Variants in AGAP2 observed in about 807,000 individuals in gnomAD.
AGAP2 encodes ArfGAP with GTPase domain, ankyrin repeat and PH domain 2.
AGAP2 carries 32 observed loss-of-function variants against 110.9 expected under a neutral mutation model. The observed-to-expected ratio is 0.29, with a 90% CI of 0.22 to 0.39. The LOEUF is 0.39. Ranked by LOEUF, AGAP2 falls within the 10% of genes least tolerant of loss-of-function variation. The pLI is 1.00. For missense variants in AGAP2, 1,285 were observed against 1,638.5 expected, an observed-to-expected ratio of 0.78 and a Z score of 3.72; for synonymous variants, 702 against 713.0, an observed-to-expected ratio of 0.98 and a Z score of 0.25.
chr12:57,724,103 G>A (rs1426370321), downstream of AGAP2: 1 of 152,512 alleles, frequency 6.6e-6, no homozygotes. Flanking sequence ...CTGCACTGTT[G>A]AATCCACCTT....
intron 1 of AGAP2, among the ~76,000 whole-genome samples, chr12:57,736,107 A>G (rs1954976684): frequency 6.6e-6 from 1 of 152,150 alleles, no homozygotes; most frequent in South Asian, 2.1e-4. Context: ...AGCCAGGTCC[A>G]GCCCCCGCGC....
intron 5 of AGAP2, among the ~76,000 whole-genome samples, chr12:57,733,439 G>C (rs1236871869): frequency 6.6e-6 from 1 of 152,148 alleles, no homozygotes. Context: ...GGTGGAGATA[G>C]GCACCAGCAG....
rs61756294 is a variant in AGAP2 at position 57,731,449 on chromosome 12, C to T, written c.2062G>A (p.Gly688Ser). The T allele has an allele frequency of 6.2e-7, 1 of 1,614,076 alleles. No individual in the cohort carries two copies. Among genetic ancestry groups the T allele is most frequent in the Non-Finnish European group, 8.5e-7 (1 of 1,180,016 alleles). ...TTCCATTCTTTGTTCAAGGAATTGC[C>T]ACTTCGTTTTAGTAGGAAGCTCTGG... ...IKQSFLLKRS[G>S]NSLNKEWKKK... The change falls in exon 10 of 19, where the codon GGC becomes AGC. Residue 688 changes from glycine to serine, a missense_variant. Around this residue, in one of 7 missense-constraint regions of AGAP2, gnomAD observed 24 missense variants for 69.5 expected, o/e 0.35. Transcript: ENST00000547588.
Position 57,729,723 on chromosome 12 carries a change from G to C in AGAP2, c.2473C>G (p.Pro825Ala), listed in dbSNP as rs1395710677. 1 of 1,613,706 alleles carries C rather than the reference G, an allele frequency of 6.2e-7. No individual in the cohort carries two copies. The highest frequency in any genetic ancestry group is 1.3e-5 in the African/African-American group (1 of 74,874). ...GDLSPLSREP[P>A]PSPMVKKQRR... ...TGCTTCTTCACCATGGGAGAAGGAG[G>C]GGGTTCCCGACTCAGGGGGCTCAGG... Residue 825 changes from proline (P) to alanine (A), a missense_variant, in exon 13 of 19, where the codon CCT (proline) becomes GCT (alanine). Physicochemically the swap from Pro to Ala is conservative, Grantham distance 27. Around this residue, in one of 7 missense-constraint regions of AGAP2, gnomAD observed 135 missense variants for 182.0 expected, o/e 0.74. Transcript: ENST00000547588.
Position 57,734,342 on chromosome 12 carries a change from C to T in AGAP2, c.1378G>A (p.Glu460Lys), listed in dbSNP as rs1257113010. 2 of 1,614,222 alleles carry T rather than the reference C, an allele frequency of 1.2e-6. No homozygotes were observed. Among genetic ancestry groups the T allele is most frequent in the South Asian group, 2.2e-5 (2 of 91,084 alleles). ...GQTHLVLIREEAGAPDAKFSG... is the reference protein window; with the variant it reads ...GQTHLVLIREKAGAPDAKFSG... ...ACCTTGGCATCAGGTGCCCCAGCTTCCTCTCGGATTAGCACCAGATGTGTC... is the reference window on the plus strand; with the variant it reads ...ACCTTGGCATCAGGTGCCCCAGCTTTCTCTCGGATTAGCACCAGATGTGTC... The change falls in exon 4 of 19, where the codon GAA (glutamate) becomes AAA (lysine). Residue 460 changes from glutamate to lysine, a missense_variant. Glu to Lys is a moderately conservative substitution (Grantham distance 56). Transcript: ENST00000547588.
At position 57,737,788 on chromosome 12, in the gene AGAP2, C is replaced by T. The variant is rs1019844704; in HGVS notation, c.459G>A (p.Pro153=). The T allele has an allele frequency of 1.0e-5, 16 of 1,529,310 alleles. No homozygotes were observed. In the African/African-American group the frequency reaches 1.9e-4, roughly 18 times the overall value. 94.7% of individuals were successfully genotyped at this position (1,529,310 alleles called of 1,614,324 possible). ...CGCCGCCCGCCCGGCCTTCGGGCTC[C>T]GGGCCGCCCCAGCTCGGGCTGCTGA... ...PLLSSPSWGG[P]EPEGRAGGGI... Residue 153 remains proline (P), a synonymous_variant, in exon 1 of 19, where the codon CCG becomes CCA. Coordinates refer to ENST00000547588, the MANE Select transcript of AGAP2 (RefSeq NM_001122772.3). This position sits in a 1 kb window ranked among gnomAD's most constrained non-coding sequence, Gnocchi z 5.9.
rs1274744246 is a variant in AGAP2, at chr12:57,725,913, T to C, written c.*639A>G. On this transcript the variant is annotated 3_prime_UTR_variant, in exon 19 of 19. Coordinates refer to ENST00000547588, the MANE Select transcript of AGAP2 (RefSeq NM_001122772.3). ...CCCCGGACTCTTTAGCTTCCACCCA[T>C]GGGTAGGTGTAGGGGACGTCCTGGT... The C allele has an allele frequency of 1.3e-5, 2 of 151,570 alleles. No homozygotes were observed. Among genetic ancestry groups the C allele is most frequent in the Non-Finnish European group, 2.9e-5 (2 of 67,842 alleles). The allele number at this position is 151,570 out of a possible 1,614,324, so 9.4% of individuals were successfully genotyped here.
rs574746946 is a variant in AGAP2, at chr12:57,737,158, C to T, written c.1089G>A (p.Gly363=). 1.1e-5 allele frequency: 18 copies of T among 1,573,696 alleles called. No homozygotes were observed. The South Asian group carries it at 1.8e-4, about 16-fold the overall frequency. The change falls in exon 1 of 19, where the codon GGG becomes GGA. Residue 363 remains glycine (G), a synonymous_variant. Transcript: ENST00000547588. The surrounding 1 kb of genome is among the most constrained non-coding windows in gnomAD (Gnocchi z 5.9). The part of the protein sequence containing the change: ...TKSTGGPPGS[G]PLPGPPSLSS... Reference sequence around the variant, plus strand: ...ACAGGCTGGGGGGTCCGGGAAGGGGCCCGGAGCCAGGAGGCCCTCCTGTGC... The same window carrying T: ...ACAGGCTGGGGGGTCCGGGAAGGGGTCCGGAGCCAGGAGGCCCTCCTGTGC...
Position 57,731,830 on chromosome 12 carries a change from C to T in AGAP2, c.1932G>A (p.Lys644=). 1.3e-6 allele frequency: 2 copies of T among 1,586,796 alleles called. No individual in the cohort carries two copies. Among genetic ancestry groups the T allele is most frequent in the Non-Finnish European group, 1.7e-6 (2 of 1,166,888 alleles). Reference sequence around the variant, plus strand: ...ATACCGCAAAAAGGCTGGTCCTGCGCTTGGCTGCCCGGTGCAGGGACCCTG... The same window carrying T: ...ATACCGCAAAAAGGCTGGTCCTGCGTTTGGCTGCCCGGTGCAGGGACCCTG... ...STPGSLHRAA[K]RRTSLFANRR... Residue 644 remains lysine (K), a synonymous_variant, in exon 8 of 19, where the codon AAG becomes AAA. Transcript: ENST00000547588.
chr12:57,730,450 T>A lies in AGAP2; in HGVS notation c.2428+45A>T, dbSNP rs557399060. ...CCATATTCATTTCCCACACTCATCCTATTTGGGTGTGGAAGACAGCAGATG... is the reference window on the plus strand; with the variant it reads ...CCATATTCATTTCCCACACTCATCCAATTTGGGTGTGGAAGACAGCAGATG... On this transcript the variant is annotated intron_variant, in intron 12 of 18. Coordinates refer to ENST00000547588, the MANE Select transcript of AGAP2 (RefSeq NM_001122772.3). 9 of 1,609,142 alleles carry A rather than the reference T, an allele frequency of 5.6e-6. No individual in the cohort carries two copies. The East Asian group carries it at 1.8e-4, about 32-fold the overall frequency.
intron 13 of AGAP2, among the ~76,000 whole-genome samples, chr12:57,728,720 C>T (rs766555273): frequency 2.0e-5 from 3 of 151,598 alleles, no homozygotes; most frequent in Non-Finnish European, 2.9e-5. Context: ...TGAGTGAACA[C>T]GGGGGAAGGG....
chr12:57,735,459 G>C lies in AGAP2; in HGVS notation c.1169-32C>G, dbSNP rs115614572. On this transcript the variant is annotated intron_variant, in intron 1 of 18. Coordinates refer to ENST00000547588, the MANE Select transcript of AGAP2 (RefSeq NM_001122772.3). ...CGGGAGAAGGGCAGTAAGAGGGGAG[G>C]CTCCTGGCTCAGAAGGACCCCCAAC... 1.2e-3 allele frequency: 1,910 copies of C among 1,606,318 alleles called. 30 individuals carry two copies. The African/African-American group carries it at 0.022, about 19-fold the overall frequency.
At chr12:57,733,942 C>T in intron 5 of AGAP2, 84 bp downstream of exon 5, 1 of 1,470,554 alleles carries the variant, frequency 6.8e-7, no homozygotes, top group South Asian at 1.4e-5. Flanking sequence ...CACACCTTAC[C>T]AAGTTCTCAC....
chr12:57,738,230 C>T lies in AGAP2; in HGVS notation c.17G>A (p.Gly6Asp), dbSNP rs776066568. 5.3e-6 allele frequency: 8 copies of T among 1,517,518 alleles called. 1 individual carries two copies. The South Asian group carries it at 9.6e-5, about 18-fold the overall frequency. 94.0% of individuals were successfully genotyped at this position (1,517,518 alleles called of 1,614,324 possible). A position where few individuals can be genotyped will look rare whatever the true frequency, so the allele number is the denominator to read the frequency against. ...GGTCGTTGTCCGGCGCTGAAGCGCG[C>T]CCGCGCCCCGGCTCATGGGGCCCGG... MSRGA[G>D]ALQRRTTTYL... The change falls in exon 1 of 19, where the codon GGC becomes GAC. Residue 6 changes from glycine to aspartate, a missense_variant. Coordinates refer to ENST00000547588, the MANE Select transcript of AGAP2 (RefSeq NM_001122772.3). This position sits in a 1 kb window ranked among gnomAD's most constrained non-coding sequence, Gnocchi z 6.7.
downstream of AGAP2, chr12:57,724,649 G>A (rs915120262): frequency 2.0e-5 from 3 of 152,218 alleles, no homozygotes; most frequent in Non-Finnish European, 2.9e-5. Flanking sequence ...GACGAGGCCA[G>A]GGGAGGAACC....
Position 57,737,353 on chromosome 12 carries a change from A to C in AGAP2, c.894T>G (p.Thr298=). 1 of 1,613,564 alleles carries C rather than the reference A, an allele frequency of 6.2e-7. No homozygotes were observed. The highest frequency in any genetic ancestry group is 8.5e-7 in the Non-Finnish European group (1 of 1,179,758). The part of the protein sequence containing the change: ...GSPPPLTLPP[T]PSPATAVTAA... Reference sequence around the variant, plus strand: ...CGGTGACAGCAGTGGCTGGACTCGGAGTTGGTGGGAGGGTTAGCGGAGGAG... The same window carrying C: ...CGGTGACAGCAGTGGCTGGACTCGGCGTTGGTGGGAGGGTTAGCGGAGGAG... Residue 298 remains threonine (T), a synonymous_variant, in exon 1 of 19, where the codon ACT becomes ACG. Transcript: ENST00000547588. This position sits in a 1 kb window ranked among gnomAD's most constrained non-coding sequence, Gnocchi z 5.9.
At chr12:57,740,306 C>T (rs1216761367), upstream of AGAP2, among the ~76,000 whole-genome samples, 1 of 152,108 alleles carries the variant, frequency 6.6e-6, no homozygotes, top group Non-Finnish European at 1.5e-5. Flanking sequence ...TGGGGCTCAG[C>T]AGTTTCTCCC....
chr12:57,726,473 G>A lies in AGAP2; in HGVS notation c.*79C>T. On this transcript the variant is annotated 3_prime_UTR_variant, in exon 19 of 19. Transcript: ENST00000547588. This position sits in a 1 kb window ranked among gnomAD's most constrained non-coding sequence, Gnocchi z 5.7. ...GGGGTGCGGATCGGAGAGGTGAGTG[G>A]GTGCGTCTGTCCAGCGGTCCGCCCG... The A allele has an allele frequency of 8.8e-7, 1 of 1,132,904 alleles. No homozygotes were observed. Among genetic ancestry groups the A allele is most frequent in the Middle Eastern group, 3.7e-4 (1 of 2,676 alleles). The allele number at this position is 1,132,904 out of a possible 1,614,324, so 70.2% of individuals were successfully genotyped here. A position where few individuals can be genotyped will look rare whatever the true frequency, so the allele number is the denominator to read the frequency against.
chr12:57,726,713 C>T lies in AGAP2; in HGVS notation c.3418G>A (p.Ala1140Thr). ...CAGCCGTGCTGGAGAAGGATGTCGG[C>T]GCACAGCTGGCTTCCAGCCTGGCGG... ...YARQAGSQLC[A>T]DILLQHGCPG... Residue 1140 changes from alanine to threonine, a missense_variant, in exon 19 of 19, where the codon GCC becomes ACC. Coordinates refer to ENST00000547588, the MANE Select transcript of AGAP2 (RefSeq NM_001122772.3). This position sits in a 1 kb window ranked among gnomAD's most constrained non-coding sequence, Gnocchi z 5.7. The T allele has an allele frequency of 1.6e-6, 2 of 1,260,162 alleles. No homozygotes were observed. Among genetic ancestry groups the T allele is most frequent in the Non-Finnish European group, 1.0e-6 (1 of 1,002,748 alleles). 78.1% of individuals were successfully genotyped at this position (1,260,162 alleles called of 1,614,324 possible).
Sources: gnomAD v4.1 joint callset for allele counts (sites outside exome capture counted in the v4.1 genomes callset) on GRCh38, gnomAD v4.1.1 for gene constraint, gnomAD v4.1.1 regional missense constraint, Gnocchi (gnomAD v3.1) non-coding constraint, MANE v1.5 for transcripts, NCBI Gene and HGNC (gene_info 2026-07-23, HGNC 2026-07-21) for gene names.